The following CAMK2A variants were observed in gnomAD, a reference collection of about 807,000 sequenced individuals.
The protein encoded by CAMK2A is calcium/calmodulin-dependent protein kinase type II subunit alpha.
Under a neutral mutation model 79.2 loss-of-function variants are expected in CAMK2A, and 7 were observed. The ratio of observed to expected loss-of-function variants is 0.09; its 90% CI spans 0.05 to 0.17. The LOEUF is 0.17. CAMK2A is among the 10% of genes least tolerant of loss of function. The probability of loss-of-function intolerance (pLI) is 1.00; values close to 1 mark genes in which losing one functional copy is unlikely to be tolerated. For missense variants in CAMK2A, 214 were observed against 646.4 expected, an observed-to-expected ratio of 0.33 and a Z score of 7.25; for synonymous variants, 242 against 251.7, an observed-to-expected ratio of 0.96 and a Z score of 0.36.
chr5:150,263,958 T>C (rs1278765919), intron 3 of CAMK2A, among the ~76,000 whole-genome samples: 2 of 152,194 alleles, frequency 1.3e-5, no homozygotes, highest in Non-Finnish European at 2.9e-5. Flanking sequence ...TGGGTATAAA[T>C]AGCAGATGGA....
At chr5:150,283,125 A>G (rs1757283032) in intron 1 of CAMK2A, among the ~76,000 whole-genome samples, 2 of 152,118 alleles carry the variant, frequency 1.3e-5, no homozygotes, top group African/African-American at 4.8e-5. Context: ...CAGCTTCCAG[A>G]CCTTCACCAC....
At chr5:150,276,620 C>T (rs965049644) in intron 1 of CAMK2A, among the ~76,000 whole-genome samples, 3 of 152,230 alleles carry the variant, frequency 2.0e-5, no homozygotes, top group South Asian at 2.1e-4. Flanking sequence ...GAGAAAGAAG[C>T]TTAAAGTGGC....
Position 150,221,745 on chromosome 5 carries a change from A to AT in CAMK2A, c.*964dup. ...ACAGGTGACAAGGTCCACCTCAGAG[A>AT]TGACAAAAAAAAAAAAAAAAACTAG... On this transcript the variant is annotated 3_prime_UTR_variant, in exon 19 of 19. Transcript: ENST00000671881. 2.8e-6 allele frequency: 1 copy of AT among 361,238 alleles called. No homozygotes were observed. The allele number at this position is 361,238 out of a possible 1,614,324, so 22.4% of individuals were successfully genotyped here.
At chr5:150,289,305 G>A (rs1236103296) in intron 1 of CAMK2A, among the ~76,000 whole-genome samples, 1 of 152,180 alleles carries the variant, frequency 6.6e-6, no homozygotes, top group Non-Finnish European at 1.5e-5. Context: ...GTGTATGTGT[G>A]TGCACTGGCA....
At chr5:150,287,827 G>A (rs866958346) in intron 1 of CAMK2A, among the ~76,000 whole-genome samples, 4 of 151,956 alleles carry the variant, frequency 2.6e-5, no homozygotes, top group African/African-American at 7.3e-5. Flanking sequence ...GCCCCTACCC[G>A]CAAAAAAAGC....
intron 1 of CAMK2A, among the ~76,000 whole-genome samples, chr5:150,280,345 T>C (rs1040524437): frequency 4.6e-5 from 7 of 152,190 alleles, no homozygotes; most frequent in African/African-American, 1.7e-4. Context: ...GTCTTTAGTG[T>C]CTGCTCTTCA....
At chr5:150,247,855 A>C (rs1419487914) in intron 11 of CAMK2A, 41 bp from the exon 12 acceptor site, 2 of 1,579,364 alleles carry the variant, frequency 1.3e-6, no homozygotes, top group Admixed American at 3.4e-5. Flanking sequence ...AGGAGGCCGG[A>C]GTGAAGGGAC....
At chr5:150,250,564 G>C in intron 10 of CAMK2A, 124 bp downstream of exon 10, 2 of 1,335,130 alleles carry the variant, frequency 1.5e-6, no homozygotes, top group Non-Finnish European at 2.1e-6. Context: ...ACCACAGCAG[G>C]GGCAGTCTCT....
rs139153337 is a variant in CAMK2A at position 150,225,855 on chromosome 5, G to T, written c.1237+2337C>A. Reference sequence around the variant, plus strand: ...TGCCTCCCAGGTTCAAGTGATTCTCGTACCTCAGCCTCCCAAGTAGCTGAG... The same window carrying T: ...TGCCTCCCAGGTTCAAGTGATTCTCTTACCTCAGCCTCCCAAGTAGCTGAG... On this transcript the variant is annotated intron_variant, in intron 17 of 18. Transcript: ENST00000671881. 1.3e-4 allele frequency among the ~76,000 whole-genome samples: 20 copies of T among 152,128 alleles called. No homozygotes were observed. In the East Asian group the frequency reaches 3.9e-3, roughly 29 times the overall value.
intron 2 of CAMK2A, 115 bp from the exon 3 acceptor site, chr5:150,265,130 G>T (rs1183984269): frequency 1.8e-5 from 14 of 781,802 alleles, no homozygotes; most frequent in Non-Finnish European, 2.5e-5. Flanking sequence ...CTGGGGGCTG[G>T]GAAAGCTCAC....
rs939163112 is a variant in CAMK2A at position 150,220,840 on chromosome 5, T to C, written c.*1870A>G. On this transcript the variant is annotated 3_prime_UTR_variant, in exon 19 of 19. Transcript: ENST00000671881. Reference sequence around the variant, plus strand: ...TGGCGTTGCCTGTCTCACCTGGGCCTGGGCAGCAGGACTTGAGAAAAGAAC... The same window carrying C: ...TGGCGTTGCCTGTCTCACCTGGGCCCGGGCAGCAGGACTTGAGAAAAGAAC... The C allele has an allele frequency of 4.6e-5, 7 of 152,466 alleles. No individual in the cohort carries two copies. The highest frequency in any genetic ancestry group is 1.7e-4 in the African/African-American group (7 of 41,436). The allele number at this position is 152,466 out of a possible 1,614,324, so 9.4% of individuals were successfully genotyped here. A position where few individuals can be genotyped will look rare whatever the true frequency, so the allele number is the denominator to read the frequency against.
chr5:150,243,564 AGTTG>A (rs1755438329), intron 13 of CAMK2A, among the ~76,000 whole-genome samples: 1 of 152,194 alleles, frequency 6.6e-6, no homozygotes. Flanking sequence ...TTATAAATTA[AGTTG>A]GCTTTAGATC....
intron 1 of CAMK2A, among the ~76,000 whole-genome samples, chr5:150,286,309 T>G (rs1344241372): frequency 1.3e-5 from 2 of 152,160 alleles, no homozygotes; most frequent in East Asian, 3.9e-4. Flanking sequence ...TCGAGTAGCA[T>G]CAAGAGGCTC....
intron 2 of CAMK2A, 73 bp from the exon 3 acceptor site, chr5:150,265,088 C>G: frequency 8.6e-7 from 1 of 1,166,816 alleles, no homozygotes; most frequent in East Asian, 2.4e-5. Context: ...CTTCTCAAAG[C>G]CTCGTATTAT....
chr5:150,262,697 C>T (rs1756350259), intron 3 of CAMK2A, among the ~76,000 whole-genome samples: 1 of 152,170 alleles, frequency 6.6e-6, no homozygotes, highest in East Asian at 1.9e-4. Context: ...ACACACTAGG[C>T]TTTGTGCCAA....
chr5:150,229,865 G>A (rs1259694520), intron 16 of CAMK2A, among the ~76,000 whole-genome samples: 4 of 152,242 alleles, frequency 2.6e-5, no homozygotes, highest in East Asian at 1.9e-4. Context: ...AGTTTTAAAC[G>A]TGCACACATG....
intron 15 of CAMK2A, 55 bp downstream of exon 15, chr5:150,238,645 C>T: frequency 6.6e-7 from 1 of 1,519,652 alleles, no homozygotes; most frequent in Non-Finnish European, 9.0e-7. Context: ...AAGAGGTCTG[C>T]TCAGAGCTGG....
At chr5:150,285,867 C>T (rs956448404) in intron 1 of CAMK2A, among the ~76,000 whole-genome samples, 3 of 152,184 alleles carry the variant, frequency 2.0e-5, no homozygotes, top group Admixed American at 1.3e-4. Context: ...ACCTTTCTAA[C>T]CTCTCCTGGG....
At chr5:150,245,406 TC>T (rs1287222753) in intron 12 of CAMK2A, 3 of 593,964 alleles carry the variant, frequency 5.1e-6, no homozygotes, top group African/African-American at 3.8e-5. Flanking sequence ...CTGCCTGGGT[TC>T]CCCGCCTTCT....
Sources: gnomAD v4.1 joint callset for allele counts (sites outside exome capture counted in the v4.1 genomes callset) on GRCh38, gnomAD v4.1.1 for gene constraint, MANE v1.5 for transcripts, NCBI Gene and HGNC (gene_info 2026-07-23, HGNC 2026-07-21) for gene names.